Variants in PRICKLE2 observed in about 807,000 individuals in gnomAD.
PRICKLE2 encodes the protein prickle planar cell polarity protein 2.
Under a neutral mutation model 81.4 loss-of-function variants are expected in PRICKLE2, and 21 were observed. The ratio of observed to expected loss-of-function variants is 0.26; its 90% CI spans 0.18 to 0.37. The LOEUF (loss-of-function observed/expected upper bound fraction) is 0.37, where lower values mean the gene tolerates loss of function less well. PRICKLE2 is among the 10% of genes least tolerant of loss of function. The pLI is 1.00. For synonymous variants in PRICKLE2, 456 were observed against 421.5 expected, an observed-to-expected ratio of 1.08 and a Z score of -1.00; for missense variants, 940 against 1,109.0, an observed-to-expected ratio of 0.85 and a Z score of 2.16.
At chr3:64,257,502 G>GT (rs1235902922) in intron 2 of PRICKLE2, among the ~76,000 whole-genome samples, 1 of 152,228 alleles carries the variant, frequency 6.6e-6, no homozygotes, top group Non-Finnish European at 1.5e-5. Context: ...GGCAATGGCA[G>GT]TGGGGGTGTG....
At chr3:64,135,792 G>T (rs2077269933) in intron 7 of PRICKLE2, among the ~76,000 whole-genome samples, 1 of 152,094 alleles carries the variant, frequency 6.6e-6, no homozygotes, top group South Asian at 2.1e-4. Context: ...AGAAAACTGG[G>T]GAGAGTGAAA....
At chr3:64,213,658 G>A (rs749944780) in intron 1 of PRICKLE2, among the ~76,000 whole-genome samples, 2 of 152,128 alleles carry the variant, frequency 1.3e-5, no homozygotes, top group Non-Finnish European at 2.9e-5. Context: ...AGGGGCATAA[G>A]GTCAGTTTGG....
intron 7 of PRICKLE2, among the ~76,000 whole-genome samples, chr3:64,125,236 G>A (rs1184025577): frequency 6.6e-6 from 1 of 152,212 alleles, no homozygotes; most frequent in Non-Finnish European, 1.5e-5. Flanking sequence ...TTTTATGGAT[G>A]AGAGAAGAAA....
Position 64,251,446 on chromosome 3 carries a change from G to T in PRICKLE2, c.129-52479C>A, listed in dbSNP as rs576495043. Among the ~76,000 whole-genome samples, 13 of 152,258 alleles carry T rather than the reference G, an allele frequency of 8.5e-5. 1 individual carries two copies. In the South Asian group the frequency reaches 1.9e-3, roughly 22 times the overall value. On this transcript the variant is annotated intron_variant, in intron 2 of 8. Transcript: ENST00000295902. ...GGTTCTTTGTCAGTGGGACAGGGGG[G>T]CAAGAAATCCAAGTTCCCACCAAGC...
At position 64,147,817 on chromosome 3, in the gene PRICKLE2, T is replaced by A; in HGVS notation, c.788-115A>T. The A allele has an allele frequency of 9.1e-7, 1 of 1,093,062 alleles. No homozygotes were observed. The highest frequency in any genetic ancestry group is 1.4e-6 in the Non-Finnish European group (1 of 721,926). The allele number at this position is 1,093,062 out of a possible 1,614,324, so 67.7% of individuals were successfully genotyped here. A position where few individuals can be genotyped will look rare whatever the true frequency, so the allele number is the denominator to read the frequency against. On this transcript the variant is annotated intron_variant, in intron 6 of 7. Transcript: ENST00000638394. The surrounding 1 kb of genome is among the most constrained non-coding windows in gnomAD (Gnocchi z 5.0). The stretch of plus-strand genomic sequence containing the variant: ...GGATTCCAGGTGCGGCAGGATAAAC[T>A]GTCAATAAATCAACAATCAGACCCT...
Position 64,198,838 on chromosome 3 carries a change from T to C in PRICKLE2, c.90A>G (p.Ser30=). The C allele has an allele frequency of 6.2e-7, 1 of 1,614,158 alleles. No individual in the cohort carries two copies. The highest frequency in any genetic ancestry group is 8.5e-7 in the Non-Finnish European group (1 of 1,180,018). ...FQRNSTSDDD[S]GCALEEYAWV... is the part of the protein sequence containing the mutation. ...AGGCATACTCTTCCAAAGCACAGCC[T>C]GAGTCATCATCTGAGGTCGAGTTCC... Residue 30 remains serine, a synonymous_variant, in exon 2 of 8, where the codon TCA becomes TCG. Transcript: ENST00000638394.
chr3:64,129,746 C>T (rs2077171276), intron 7 of PRICKLE2, among the ~76,000 whole-genome samples: 1 of 151,744 alleles, frequency 6.6e-6, no homozygotes, highest in Admixed American at 6.6e-5. Flanking sequence ...ATCAGATTTA[C>T]GTATTAGTCA....
intron 2 of PRICKLE2, among the ~76,000 whole-genome samples, chr3:64,186,920 G>A (rs1235726192): frequency 6.6e-6 from 1 of 152,180 alleles, no homozygotes; most frequent in East Asian, 1.9e-4. Context: ...GAAAGGGTGT[G>A]CAGCTGTGAA....
intron 5 of PRICKLE2, among the ~76,000 whole-genome samples, chr3:64,156,298 T>C (rs1258375635): frequency 6.6e-6 from 1 of 152,146 alleles, no homozygotes; most frequent in African/African-American, 2.4e-5. Context: ...AGGTAGTTTG[T>C]AAGAAAGAAA....
At chr3:64,223,460 T>A (rs2078986052) in intron 1 of PRICKLE2, among the ~76,000 whole-genome samples, 1 of 152,210 alleles carries the variant, frequency 6.6e-6, no homozygotes, top group Admixed American at 6.5e-5. Context: ...TCTTTAAGCT[T>A]CCATAAATGC....
At chr3:64,139,000 T>C (rs2077318974) in intron 7 of PRICKLE2, among the ~76,000 whole-genome samples, 1 of 152,250 alleles carries the variant, frequency 6.6e-6, no homozygotes, top group African/African-American at 2.4e-5. Context: ...TGTTTTGCAT[T>C]GCAAGGATTA....
chr3:64,207,725 C>T (rs541067181), intron 1 of PRICKLE2, among the ~76,000 whole-genome samples: 1 of 151,684 alleles, frequency 6.6e-6, no homozygotes, highest in Admixed American at 6.6e-5. Context: ...TAGGTCCCTT[C>T]GATAAAAAAA....
chr3:64,202,563 A>G (rs2078603444), intron 1 of PRICKLE2, among the ~76,000 whole-genome samples: 1 of 152,132 alleles, frequency 6.6e-6, no homozygotes, highest in Non-Finnish European at 1.5e-5. Flanking sequence ...GTATAGAAAC[A>G]TAAATGATAT....
chr3:64,250,139 G>A (rs1239945552), intron 2 of PRICKLE2, among the ~76,000 whole-genome samples: 1 of 152,194 alleles, frequency 6.6e-6, no homozygotes, highest in Non-Finnish European at 1.5e-5. Context: ...GGTTATGAGA[G>A]TCAGCCTTTT....
intron 7 of PRICKLE2, among the ~76,000 whole-genome samples, chr3:64,141,245 C>G (rs2077356110): frequency 6.6e-6 from 1 of 152,190 alleles, no homozygotes; most frequent in African/African-American, 2.4e-5. Flanking sequence ...AGGGCACAAG[C>G]TCTGTAGCTA....
chr3:64,214,895 A>C (rs539967975), intron 1 of PRICKLE2, among the ~76,000 whole-genome samples: 1 of 152,196 alleles, frequency 6.6e-6, no homozygotes, highest in African/African-American at 2.4e-5. Context: ...TCCTTGGTGC[A>C]CGGGATGAGT....
intron 7 of PRICKLE2, among the ~76,000 whole-genome samples, chr3:64,138,155 T>C (rs576428115): frequency 6.6e-6 from 1 of 152,324 alleles, no homozygotes; most frequent in African/African-American, 2.4e-5. Context: ...TTTTACCTCC[T>C]TGCAGCTTAA....
Position 64,099,693 on chromosome 3 carries a change from T to C in PRICKLE2, c.1893A>G (p.Arg631=). 6.2e-7 allele frequency: 1 copy of C among 1,614,202 alleles called. No individual in the cohort carries two copies. Among genetic ancestry groups the C allele is most frequent in the Non-Finnish European group, 8.5e-7 (1 of 1,180,046 alleles). Residue 631 remains arginine (R), a synonymous_variant, in exon 8 of 8, where the codon AGA becomes AGG. Transcript: ENST00000638394. This position sits in a 1 kb window ranked among gnomAD's most constrained non-coding sequence, Gnocchi z 4.3. ...LHQLSNPIGY[R]DLQSHGRMHQ... ...GCATCCTTCCGTGGGACTGCAGGTCTCTGTAGCCAATGGGGTTGCTGAGCT... is the reference window on the plus strand; with the variant it reads ...GCATCCTTCCGTGGGACTGCAGGTCCCTGTAGCCAATGGGGTTGCTGAGCT...
At position 64,210,217 on chromosome 3, in the gene PRICKLE2, T is replaced by C. The variant is rs1407214342; in HGVS notation, c.-40-11250A>G. Among the ~76,000 whole-genome samples the C allele has an allele frequency of 2.6e-5, 4 of 152,228 alleles. No homozygotes were observed. The South Asian group carries it at 8.3e-4, about 32-fold the overall frequency. ...CTTGGAATTTCTATATCCCTCTGTC[T>C]TGATACCCAGACGTCAGCATATCCT... is the stretch of plus-strand genomic sequence containing the variant. On this transcript the variant is annotated intron_variant, in intron 1 of 7. Transcript: ENST00000638394.
Sources: gnomAD v4.1 joint callset for allele counts (sites outside exome capture counted in the v4.1 genomes callset) on GRCh38, gnomAD v4.1.1 for gene constraint, Gnocchi (gnomAD v3.1) non-coding constraint, MANE v1.5 for transcripts, NCBI Gene and HGNC (gene_info 2026-07-23, HGNC 2026-07-21) for gene names.